Variants in CARMIL1 observed in about 807,000 individuals in gnomAD.
CARMIL1 encodes capping protein regulator and myosin 1 linker 1.
CARMIL1 carries 90 observed loss-of-function variants against 177.1 expected under a neutral mutation model. The ratio of observed to expected loss-of-function variants is 0.51; its 90% CI spans 0.43 to 0.61. The LOEUF (loss-of-function observed/expected upper bound fraction) is 0.61. Among genes scored for constraint, CARMIL1 ranks in the 20% least tolerant of loss-of-function variants. The probability of loss-of-function intolerance (pLI) is 0.00; values close to 1 mark genes in which losing one functional copy is unlikely to be tolerated. For missense variants in CARMIL1, 1,380 were observed against 1,667.0 expected (o/e 0.83, Z 3.00); for synonymous variants, 577 against 606.2 (o/e 0.95, Z 0.71).
chr6:25,556,623 A>G, intron 28 of CARMIL1, 78 bp from the exon 29 acceptor site: 1 of 1,399,386 alleles, frequency 7.1e-7, no homozygotes, highest in Non-Finnish European at 9.6e-7. Flanking sequence ...CATCTTGTGG[A>G]AGACGTCTTC....
intron 32 of CARMIL1, among the ~76,000 whole-genome samples, chr6:25,596,179 T>C (rs55964113): frequency 9.2e-6 from 1 of 108,198 alleles, no homozygotes; most frequent in Non-Finnish European, 2.0e-5. Flanking sequence ...AGGTATAAAA[T>C]ATATTTTTTT....
intron 2 of CARMIL1, among the ~76,000 whole-genome samples, chr6:25,401,267 A>G (rs1234508917): frequency 7.7e-6 from 1 of 130,522 alleles, no homozygotes; most frequent in East Asian, 2.1e-4. Context: ...CCCAGAAGAA[A>G]CATTTTATAC....
chr6:25,519,754 T>C (rs950595501), intron 22 of CARMIL1, among the ~76,000 whole-genome samples: 8 of 152,232 alleles, frequency 5.3e-5, no homozygotes, highest in African/African-American at 1.9e-4. Context: ...ATTTTGTGGA[T>C]GCTAATGGCT....
intron 29 of CARMIL1, among the ~76,000 whole-genome samples, chr6:25,567,292 T>C (rs1242143126): frequency 6.6e-6 from 1 of 152,230 alleles, no homozygotes; most frequent in Non-Finnish European, 1.5e-5. Flanking sequence ...AGTATCTTTA[T>C]TCCCACGGGC....
chr6:25,605,957 T>G, intron 34 of CARMIL1, 104 bp from the exon 35 acceptor site: 230 of 730,072 alleles, frequency 3.2e-4, no homozygotes, highest in Non-Finnish European at 4.7e-4. Context: ...ACATCCGTGA[T>G]GAGAAACGAT....
chr6:25,428,939 A>G (rs1463683686), intron 4 of CARMIL1, among the ~76,000 whole-genome samples: 2 of 152,232 alleles, frequency 1.3e-5, no homozygotes, highest in African/African-American at 2.4e-5. Context: ...AATAGACTTC[A>G]TCATTTTTTA....
chr6:25,555,545 G>T (rs931368091), intron 28 of CARMIL1, among the ~76,000 whole-genome samples: 4 of 151,896 alleles, frequency 2.6e-5, no homozygotes, highest in Non-Finnish European at 5.9e-5. Context: ...GATTACAGGT[G>T]TGTGCCACCA....
Position 25,450,340 on chromosome 6 carries a change from T to C in CARMIL1, c.471T>C (p.Gly157=). 2 of 1,612,606 alleles carry C rather than the reference T, an allele frequency of 1.2e-6. No individual in the cohort carries two copies. The highest frequency in any genetic ancestry group is 4.5e-5 in the East Asian group (2 of 44,852). The part of the protein sequence containing the change: ...SQTVAEQGPC[G]GFSQMYACVC... ...CAGTGTTTTTGTTGTATGTTTCAGG[T>C]GGATTTTCTCAGATGTATGCCTGTG... Residue 157 remains glycine (G), a splice_region_variant and synonymous_variant, in exon 7 of 37, where the codon GGT becomes GGC. Transcript: ENST00000329474.
In CARMIL1 at chr6:25,384,441, A is replaced by G. The variant is rs373502099; in HGVS notation, c.139-35673A>G. ...AGTTTCTGTAGTATCAGCCACGTGTACAATAGGTACTCAGGTGTCATTTGC... is the reference window on the plus strand; with the variant it reads ...AGTTTCTGTAGTATCAGCCACGTGTGCAATAGGTACTCAGGTGTCATTTGC... On this transcript the variant is annotated intron_variant, in intron 2 of 36. Coordinates refer to ENST00000329474, the MANE Select transcript of CARMIL1 (RefSeq NM_017640.6). Among the ~76,000 whole-genome samples, 11 of 152,240 alleles carry G rather than the reference A, an allele frequency of 7.2e-5. No homozygotes were observed. The South Asian group carries it at 1.9e-3, about 26-fold the overall frequency.
intron 2 of CARMIL1, among the ~76,000 whole-genome samples, chr6:25,337,907 TG>T (rs1581610532): frequency 6.6e-6 from 1 of 152,164 alleles, no homozygotes; most frequent in East Asian, 1.9e-4. Flanking sequence ...CCGGGCATGG[TG>T]GGCTCACTCC....
intron 1 of CARMIL1, among the ~76,000 whole-genome samples, chr6:25,281,166 A>ACACG (rs1554148633): frequency 1.7e-4 from 25 of 150,050 alleles, no homozygotes; most frequent in East Asian, 1.4e-3. Context: ...ACACACACAC[A>ACACG]CACGCACCTC....
intron 11 of CARMIL1, among the ~76,000 whole-genome samples, chr6:25,481,771 G>T (rs1353767998): frequency 6.6e-6 from 1 of 152,144 alleles, no homozygotes; most frequent in African/African-American, 2.4e-5. Flanking sequence ...CCGAAGCTCT[G>T]TATGAGGTTG....
At chr6:25,497,763 C>G (rs1223159519) in intron 16 of CARMIL1, among the ~76,000 whole-genome samples, 1 of 152,096 alleles carries the variant, frequency 6.6e-6, no homozygotes, top group Non-Finnish European at 1.5e-5. Context: ...TTGGACATAA[C>G]AATATTTTTC....
chr6:25,280,308 G>T (rs2150115517), intron 1 of CARMIL1, among the ~76,000 whole-genome samples: 1 of 152,286 alleles, frequency 6.6e-6, no homozygotes, highest in East Asian at 1.9e-4. Flanking sequence ...GCGCTTTCCT[G>T]AAAATGCCCC....
intron 29 of CARMIL1, among the ~76,000 whole-genome samples, chr6:25,576,327 G>C (rs1048486017): frequency 2.0e-5 from 3 of 151,982 alleles, no homozygotes; most frequent in Non-Finnish European, 2.9e-5. Flanking sequence ...TTCCCACTAA[G>C]GTATAAGGTA....
intron 36 of CARMIL1, among the ~76,000 whole-genome samples, chr6:25,615,027 C>A (rs1816786581): frequency 6.6e-6 from 1 of 152,172 alleles, no homozygotes; most frequent in African/African-American, 2.4e-5. Context: ...TTTACAGGAT[C>A]TTCAATTAAA....
rs1019774182 is a variant in CARMIL1, at chr6:25,461,049, G to A, written c.615-4824G>A. On this transcript the variant is annotated intron_variant, in intron 8 of 36. Transcript: ENST00000329474. ...CTTTATAGTTTTATCACAAAAGTAT[G>A]CCTATTTTGATTGGCATTGCATTAC... 1.3e-5 allele frequency among the ~76,000 whole-genome samples: 2 copies of A among 152,124 alleles called. 1 individual carries two copies. The highest frequency in any genetic ancestry group is 2.9e-5 in the Non-Finnish European group (2 of 68,022).
chr6:25,297,533 T>C (rs1330889082), intron 2 of CARMIL1, among the ~76,000 whole-genome samples: 1 of 152,250 alleles, frequency 6.6e-6, no homozygotes, highest in African/African-American at 2.4e-5. Flanking sequence ...CTCTCTTTCT[T>C]GGCAAAGCCT....
intron 29 of CARMIL1, among the ~76,000 whole-genome samples, chr6:25,566,965 G>A (rs1811607188): frequency 6.6e-6 from 1 of 152,232 alleles, no homozygotes; most frequent in South Asian, 2.1e-4. Flanking sequence ...TTGCTGAGGA[G>A]AAAGAGATTA....
Sources: allele counts gnomAD v4.1 joint callset (sites outside exome capture counted in the v4.1 genomes callset), GRCh38; gene constraint gnomAD v4.1.1; transcripts MANE v1.5; gene names NCBI Gene and HGNC (gene_info 2026-07-23, HGNC 2026-07-21).